Variants in SAMD4A observed in about 807,000 individuals in gnomAD.
SAMD4A encodes sterile alpha motif domain containing 4A, also known as protein Smaug homolog 1.
In SAMD4A, 33 loss-of-function variants were observed where a neutral mutation model predicts 81.3. That is an observed-to-expected ratio of 0.41 (90% CI 0.31 to 0.54). SAMD4A has a LOEUF of 0.54. Among genes scored for constraint, SAMD4A ranks in the 20% least tolerant of loss-of-function variants. SAMD4A has a pLI of 0.37. For missense variants in SAMD4A, 854 were observed against 951.1 expected (o/e 0.90, Z 1.34); for synonymous variants, 389 against 382.1 (o/e 1.02, Z -0.21).
chr14:54,721,102 G>A (rs1471686320), intron 3 of SAMD4A, among the ~76,000 whole-genome samples: 9 of 152,108 alleles, frequency 5.9e-5, no homozygotes, highest in East Asian at 1.9e-4. Flanking sequence ...GATAACATTC[G>A]CATAAATTGG....
At chr14:54,568,904 T>C (rs1219591587) in intron 2 of SAMD4A, among the ~76,000 whole-genome samples, 1 of 151,754 alleles carries the variant, frequency 6.6e-6, no homozygotes, top group Non-Finnish European at 1.5e-5. Context: ...CCTGCTAGTA[T>C]TTACAGACAC....
chr14:54,733,850 C>T lies in SAMD4A; in HGVS notation c.716-3174C>T, dbSNP rs114624301. Among the ~76,000 whole-genome samples, 988 of 152,060 alleles carry T rather than the reference C, an allele frequency of 6.5e-3. 11 individuals carry two copies. The highest frequency in any genetic ancestry group is 0.023 in the African/African-American group (946 of 41,480). ...ATAGGAAAAAAAAAAAACTTCTGCC[C>T]GAATGTCCATATGACCCTCTGTTTG... On this transcript the variant is annotated intron_variant, in intron 3 of 12. Transcript: ENST00000554335.
chr14:54,740,840 C>G (rs1046352270), intron 4 of SAMD4A, among the ~76,000 whole-genome samples: 1 of 152,174 alleles, frequency 6.6e-6, no homozygotes, highest in Non-Finnish European at 1.5e-5. Flanking sequence ...GGTTTTCCTT[C>G]TTTAGTAAAT....
intron 2 of SAMD4A, among the ~76,000 whole-genome samples, chr14:54,617,793 C>T (rs975729206): frequency 1.3e-5 from 2 of 152,200 alleles, no homozygotes; most frequent in Non-Finnish European, 2.9e-5. Flanking sequence ...ATTCATTTCT[C>T]TGCACTCATA....
At chr14:54,690,611 A>G (rs143221780) in intron 2 of SAMD4A, among the ~76,000 whole-genome samples, 458 of 152,256 alleles carry the variant, frequency 3.0e-3, no homozygotes, top group Middle Eastern at 0.01. Context: ...AGACACTTCT[A>G]TGGGTACAAA....
At chr14:54,570,337 G>A (rs747740080) in intron 2 of SAMD4A, among the ~76,000 whole-genome samples, 2 of 152,092 alleles carry the variant, frequency 1.3e-5, no homozygotes, top group Non-Finnish European at 2.9e-5. Flanking sequence ...AACCAGGAAG[G>A]GGGCAAAAAG....
intron 8 of SAMD4A, among the ~76,000 whole-genome samples, chr14:54,769,218 C>T (rs2038638583): frequency 6.6e-6 from 1 of 152,198 alleles, no homozygotes; most frequent in Non-Finnish European, 1.5e-5. Context: ...GCACTTGGTA[C>T]AAACACAAAC....
chr14:54,732,830 G>C lies in SAMD4A; in HGVS notation c.716-4194G>C, dbSNP rs138595533. Among the ~76,000 whole-genome samples, 31 of 152,166 alleles carry C rather than the reference G, an allele frequency of 2.0e-4. No individual in the cohort carries two copies. In the East Asian group the frequency reaches 5.6e-3, roughly 27 times the overall value. On this transcript the variant is annotated intron_variant, in intron 3 of 12. Coordinates refer to ENST00000554335, the MANE Select transcript of SAMD4A (RefSeq NM_015589.6). ...ATAAACCCCCTTATTTCTCATATTA[G>C]AAGGCAGAAAAAAGGTAGTTATAGT... is the stretch of plus-strand genomic sequence containing the variant.
chr14:54,703,434 A>G (rs2036770784), intron 3 of SAMD4A: 1 of 152,204 alleles, frequency 6.6e-6, no homozygotes, highest in African/African-American at 2.4e-5. Flanking sequence ...GTCTTCAAAC[A>G]GCGTTCCTTA....
rs76146585 is a variant in SAMD4A at position 54,599,813 on chromosome 14, C to T, written c.196+31701C>T. ...TTCCGAAGTTTTTGTGGTGTAGTTC[C>T]CTCTGATTATTCTTCATATTACAGG... On this transcript the variant is annotated intron_variant, in intron 2 of 12. Transcript: ENST00000554335. Among the ~76,000 whole-genome samples, 1,510 of 152,188 alleles carry T rather than the reference C, an allele frequency of 9.9e-3. 33 individuals are homozygous for T. Among genetic ancestry groups the T allele is most frequent in the African/African-American group, 0.035 (1,437 of 41,508 alleles).
At chr14:54,762,028 A>T (rs2038412154) in intron 7 of SAMD4A, among the ~76,000 whole-genome samples, 1 of 152,214 alleles carries the variant, frequency 6.6e-6, no homozygotes, top group South Asian at 2.1e-4. Flanking sequence ...AAATTGAGGG[A>T]TGACACCAGT....
chr14:54,583,168 TC>T (rs1211750968), intron 2 of SAMD4A, among the ~76,000 whole-genome samples: 1 of 152,162 alleles, frequency 6.6e-6, no homozygotes, highest in Admixed American at 6.5e-5. Context: ...TTTTAAGAAA[TC>T]CTGCACTGGA....
chr14:54,673,313 T>C (rs141723872), intron 2 of SAMD4A, among the ~76,000 whole-genome samples: 1 of 152,334 alleles, frequency 6.6e-6, no homozygotes, highest in Non-Finnish European at 1.5e-5. Flanking sequence ...CTGTTTAATA[T>C]ATTATGTAAG....
intron 8 of SAMD4A, 39 bp from the exon 9 acceptor site, chr14:54,770,065 G>A: frequency 1.5e-6 from 2 of 1,300,578 alleles, no homozygotes; most frequent in Non-Finnish European, 2.2e-6. Context: ...CTAATGCCAG[G>A]CTGCGTCACC....
chr14:54,752,932 A>C (rs1205337839), intron 6 of SAMD4A, among the ~76,000 whole-genome samples: 2 of 152,244 alleles, frequency 1.3e-5, no homozygotes, highest in Non-Finnish European at 2.9e-5. Context: ...AGCCAGATTT[A>C]TGTTTCTCTC....
intron 11 of SAMD4A, among the ~76,000 whole-genome samples, chr14:54,779,866 T>A (rs1594937573): frequency 2.6e-5 from 4 of 152,076 alleles, no homozygotes; most frequent in Non-Finnish European, 5.9e-5. Context: ...CGAGGTGTAA[T>A]ACGCTCACCA....
chr14:54,771,344 C>A (rs551829966), intron 9 of SAMD4A, among the ~76,000 whole-genome samples: 41 of 152,310 alleles, frequency 2.7e-4, no homozygotes, highest in African/African-American at 8.9e-4. Flanking sequence ...CTGTTGTTAA[C>A]CCCATTTACA....
chr14:54,672,469 C>T (rs902698020), intron 2 of SAMD4A, among the ~76,000 whole-genome samples: 15 of 152,250 alleles, frequency 9.9e-5, no homozygotes, highest in South Asian at 4.1e-4. Flanking sequence ...GCTGGAATTC[C>T]GTAAGACTTC....
chr14:54,652,917 T>A (rs1048879578), intron 2 of SAMD4A: 1 of 152,182 alleles, frequency 6.6e-6, no homozygotes. Context: ...CTGATTCTCT[T>A]CTTCCATTTT....
Sources: allele counts gnomAD v4.1 joint callset (sites outside exome capture counted in the v4.1 genomes callset), GRCh38; gene constraint gnomAD v4.1.1; transcripts MANE v1.5; gene names NCBI Gene and HGNC (gene_info 2026-07-23, HGNC 2026-07-21).